The following NOL4 variants were observed in gnomAD, a reference collection of about 807,000 sequenced individuals.
The protein encoded by NOL4 is nucleolar protein 4.
Under a neutral mutation model 75.9 loss-of-function variants are expected in NOL4, and 17 were observed. The observed-to-expected ratio is 0.22, with a 90% CI of 0.15 to 0.34. The LOEUF (loss-of-function observed/expected upper bound fraction) is 0.34. Among genes scored for constraint, NOL4 ranks in the 10% least tolerant of loss-of-function variants. The pLI is 1.00. For missense variants in NOL4, 614 were observed against 793.5 expected (o/e 0.77, Z 2.72); for synonymous variants, 292 against 289.9 (o/e 1.01, Z -0.07).
At chr18:33,853,088 C>A in intron 10 of NOL4, 53 bp from the exon 11 acceptor site, 1 of 1,453,178 alleles carries the variant, frequency 6.9e-7, no homozygotes, top group Non-Finnish European at 9.4e-7. Context: ...GTTCCAGCAT[C>A]TTGGATGTGA....
At chr18:34,018,530 G>A (rs1245724874) in intron 6 of NOL4, among the ~76,000 whole-genome samples, 1 of 152,086 alleles carries the variant, frequency 6.6e-6, no homozygotes, top group Non-Finnish European at 1.5e-5. Flanking sequence ...TGACTTAGAG[G>A]TAAGGGCTGG....
intron 6 of NOL4, among the ~76,000 whole-genome samples, chr18:33,972,972 A>G (rs1404703592): frequency 6.6e-6 from 1 of 152,180 alleles, no homozygotes; most frequent in Non-Finnish European, 1.5e-5. Context: ...GAAATAACAC[A>G]ACAATGAAGT....
intron 9 of NOL4, 77 bp from the exon 10 acceptor site, chr18:33,883,501 A>G: frequency 9.0e-7 from 1 of 1,107,528 alleles, no homozygotes; most frequent in Non-Finnish European, 1.2e-6. Context: ...CCTTATTGTT[A>G]TCTAAATACC....
chr18:33,905,025 G>T (rs574046443), intron 9 of NOL4, among the ~76,000 whole-genome samples: 1 of 152,166 alleles, frequency 6.6e-6, no homozygotes, highest in Non-Finnish European at 1.5e-5. Flanking sequence ...ATAAGGCATT[G>T]CCAGTTGCCC....
chr18:34,222,009 C>G lies in NOL4; in HGVS notation c.264+981G>C. 3 of 1,533,908 alleles carry G rather than the reference C, an allele frequency of 2.0e-6. No individual in the cohort carries two copies. In the East Asian group the frequency reaches 7.4e-5, roughly 38 times the overall value. On this transcript the variant is annotated intron_variant, in intron 1 of 10. Transcript: ENST00000261592. ...TAGCCTCCCCCATCCCTACTCCAGGCGAGTACCCACCGTGGCATGATGCAG... is the reference window on the plus strand; with the variant it reads ...TAGCCTCCCCCATCCCTACTCCAGGGGAGTACCCACCGTGGCATGATGCAG...
At chr18:34,172,907 C>T (rs2033183257) in intron 1 of NOL4, among the ~76,000 whole-genome samples, 1 of 151,898 alleles carries the variant, frequency 6.6e-6, no homozygotes, top group Non-Finnish European at 1.5e-5. Flanking sequence ...TATATTAACC[C>T]CTTGTAAGGT....
At chr18:33,881,746 G>A (rs1275258292) in intron 10 of NOL4, among the ~76,000 whole-genome samples, 4 of 151,734 alleles carry the variant, frequency 2.6e-5, no homozygotes, top group Non-Finnish European at 4.4e-5. Context: ...CGCATTGCCA[G>A]GTCAATCCTA....
At chr18:33,971,989 A>G (rs1204140138) in intron 6 of NOL4, among the ~76,000 whole-genome samples, 2 of 151,982 alleles carry the variant, frequency 1.3e-5, no homozygotes, top group East Asian at 3.9e-4. Flanking sequence ...AACATGGTGA[A>G]GCCCCATCTC....
chr18:34,071,377 C>G (rs2077507542), intron 5 of NOL4, among the ~76,000 whole-genome samples: 1 of 151,578 alleles, frequency 6.6e-6, no homozygotes, highest in African/African-American at 2.4e-5. Flanking sequence ...TTAAAATACT[C>G]CCGTTAAAAG....
At chr18:33,875,576 G>C (rs1209615225) in intron 10 of NOL4, among the ~76,000 whole-genome samples, 1 of 151,948 alleles carries the variant, frequency 6.6e-6, no homozygotes, top group African/African-American at 2.4e-5. Context: ...CCCATAAACT[G>C]ATGAATGAAC....
At chr18:33,933,246 G>A (rs2067824066) in intron 9 of NOL4, among the ~76,000 whole-genome samples, 2 of 152,104 alleles carry the variant, frequency 1.3e-5, no homozygotes, top group African/African-American at 2.4e-5. Context: ...ACATAAAACC[G>A]TTATTGCTTA....
chr18:33,953,546 G>C (rs1600027446), intron 8 of NOL4, among the ~76,000 whole-genome samples: 1 of 152,292 alleles, frequency 6.6e-6, no homozygotes, highest in Non-Finnish European at 1.5e-5. Context: ...AATTCATTAA[G>C]TGGTAGGATA....
intron 1 of NOL4, among the ~76,000 whole-genome samples, chr18:34,150,628 C>T (rs1157286944): frequency 6.6e-6 from 1 of 151,564 alleles, no homozygotes; most frequent in Non-Finnish European, 1.5e-5. Context: ...AAAATATATA[C>T]AACTTTTGTC....
intron 9 of NOL4, among the ~76,000 whole-genome samples, chr18:33,886,869 A>AT (rs2064716383): frequency 7.0e-6 from 1 of 143,338 alleles, no homozygotes; most frequent in African/African-American, 2.6e-5. Flanking sequence ...ATATCTATAT[A>AT]CATATATATC....
chr18:33,927,263 G>A (rs947413944), intron 9 of NOL4, among the ~76,000 whole-genome samples: 2 of 152,152 alleles, frequency 1.3e-5, no homozygotes, highest in African/African-American at 2.4e-5. Flanking sequence ...ACTGTATCAT[G>A]TAAAATGCTA....
chr18:34,146,405 A>G (rs1001720627), intron 1 of NOL4, among the ~76,000 whole-genome samples: 9 of 152,108 alleles, frequency 5.9e-5, no homozygotes, highest in Non-Finnish European at 8.8e-5. Flanking sequence ...ATTTTTGTAT[A>G]AGGTGTAAGG....
At chr18:34,121,962 T>C (rs1385344773) in intron 2 of NOL4, among the ~76,000 whole-genome samples, 1 of 152,178 alleles carries the variant, frequency 6.6e-6, no homozygotes, top group Non-Finnish European at 1.5e-5. Context: ...AATTGAGAGA[T>C]AACACTTTAG....
At chr18:33,992,468 T>A (rs553109539) in intron 6 of NOL4, among the ~76,000 whole-genome samples, 1 of 152,046 alleles carries the variant, frequency 6.6e-6, no homozygotes, top group South Asian at 2.1e-4. Context: ...CCTAAGGACA[T>A]ACAGTAAATG....
chr18:33,949,937 T>C (rs931376779), intron 8 of NOL4, among the ~76,000 whole-genome samples: 3 of 151,988 alleles, frequency 2.0e-5, no homozygotes, highest in African/African-American at 4.8e-5. Context: ...ACAACTGAAA[T>C]AACATGCTTT....
Sources: gnomAD v4.1 joint callset for allele counts (sites outside exome capture counted in the v4.1 genomes callset) on GRCh38, gnomAD v4.1.1 for gene constraint, MANE v1.5 for transcripts, NCBI Gene and HGNC (gene_info 2026-07-23, HGNC 2026-07-21) for gene names.